The following GPATCH1 variants were observed in gnomAD, a reference collection of about 807,000 sequenced individuals.
GPATCH1 encodes the protein G patch domain-containing protein 1.
In GPATCH1, 73 loss-of-function variants were observed where a neutral mutation model predicts 114.9. The observed-to-expected ratio is 0.64, with a 90% confidence interval of 0.53 to 0.77. The LOEUF (loss-of-function observed/expected upper bound fraction) is 0.77. Ranked by LOEUF, GPATCH1 falls within the 30% of genes least tolerant of loss-of-function variation. GPATCH1 has a pLI of 0.00. For missense variants in GPATCH1, 1,058 were observed against 1,144.3 expected (o/e 0.92, Z 1.09); for synonymous variants, 391 against 428.4 (o/e 0.91, Z 1.08).
rs928913566 is a variant in GPATCH1 at position 33,101,536 on chromosome 19, G to A, written c.1042G>A (p.Gly348Arg). The A allele has an allele frequency of 6.2e-7, 1 of 1,603,854 alleles. No homozygotes were observed. The highest frequency in any genetic ancestry group is 8.5e-7 in the Non-Finnish European group (1 of 1,171,004). Residue 348 changes from glycine (G) to arginine (R), a missense_variant, in exon 9 of 20, where the codon GGA becomes AGA. By Grantham distance (125) the Gly-to-Arg change is moderately radical. Around this residue, in one of 3 missense-constraint regions of GPATCH1, gnomAD observed 893 missense variants for 977.4 expected, o/e 0.91. Coordinates refer to ENST00000170564, the MANE Select transcript of GPATCH1 (RefSeq NM_018025.3). ...DLRYVGKILD[G>R]FSLASKPLSS... ...TCGGTACGTTGGCAAAATTTTGGAT[G>A]GATTTTCCTTGGCTTCTAAACCTTT...
intron 2 of GPATCH1, among the ~76,000 whole-genome samples, chr19:33,089,690 G>A (rs1196299019): frequency 7.2e-6 from 1 of 139,272 alleles, no homozygotes; most frequent in Non-Finnish European, 1.5e-5. Context: ...GCATGACCTC[G>A]GCTCACTTCA....
At chr19:33,091,684 A>G (rs1972597699) in intron 3 of GPATCH1, among the ~76,000 whole-genome samples, 1 of 152,194 alleles carries the variant, frequency 6.6e-6, no homozygotes, top group South Asian at 2.1e-4. Flanking sequence ...CTGTGCAGCA[A>G]ACCTCCATGA....
At chr19:33,096,019 G>A (rs1334109322) in intron 6 of GPATCH1, among the ~76,000 whole-genome samples, 188 bp from the exon 7 acceptor site, 1 of 152,182 alleles carries the variant, frequency 6.6e-6, no homozygotes, top group Non-Finnish European at 1.5e-5. Flanking sequence ...GGTCTGTTCA[G>A]CTTCATAAAA....
chr19:33,113,390 C>T (rs1270798508), intron 13 of GPATCH1: 2 of 170,466 alleles, frequency 1.2e-5, no homozygotes, highest in East Asian at 3.5e-4. Flanking sequence ...TGCAGTGAGC[C>T]AAGATTGTGC....
intron 1 of GPATCH1, among the ~76,000 whole-genome samples, chr19:33,081,756 G>T (rs1389723187): frequency 6.6e-6 from 1 of 152,154 alleles, no homozygotes; most frequent in East Asian, 1.9e-4. Context: ...AGGTAGAAAA[G>T]AATGTCAGAG....
intron 2 of GPATCH1, among the ~76,000 whole-genome samples, chr19:33,090,328 A>C (rs924422978): frequency 2.0e-5 from 3 of 151,872 alleles, no homozygotes; most frequent in African/African-American, 7.3e-5. Context: ...CTCTTTATCC[A>C]CTCTGACTGA....
At position 33,112,460 on chromosome 19, in the gene GPATCH1, G is replaced by A. The variant is rs771946229; in HGVS notation, c.1765-26G>A. 7 of 1,613,052 alleles carry A rather than the reference G, an allele frequency of 4.3e-6. No individual in the cohort carries two copies. The Admixed American group carries it at 1.0e-4, about 23-fold the overall frequency. ...CAGGTCAGTGGTGCGGCCACTTGAT[G>A]GAACAGAATGCATGTCTTTTTCCAG... On this transcript the variant is annotated intron_variant, in intron 12 of 19. Transcript: ENST00000170564.
At chr19:33,129,084 C>G (rs1973074709) in intron 19 of GPATCH1, among the ~76,000 whole-genome samples, 1 of 151,854 alleles carries the variant, frequency 6.6e-6, no homozygotes, top group Non-Finnish European at 1.5e-5. Context: ...CAAACCCCAT[C>G]TCTACTAAAA....
At chr19:33,087,951 A>C (rs1358170044) in intron 1 of GPATCH1, among the ~76,000 whole-genome samples, 183 bp from the exon 2 acceptor site, 1 of 152,094 alleles carries the variant, frequency 6.6e-6, no homozygotes, top group African/African-American at 2.4e-5. Context: ...ATAAGCTTAT[A>C]AAATATATTG....
intron 16 of GPATCH1, among the ~76,000 whole-genome samples, chr19:33,118,781 A>G (rs1972944422): frequency 6.6e-6 from 1 of 152,184 alleles, no homozygotes; most frequent in African/African-American, 2.4e-5. Context: ...GCTGTACCTC[A>G]GCCATTGCTG....
intron 11 of GPATCH1, among the ~76,000 whole-genome samples, chr19:33,110,719 C>G (rs1972842199): frequency 6.6e-6 from 1 of 150,808 alleles, no homozygotes. Context: ...TTGAGGTGAA[C>G]TTATCACTGC....
chr19:33,088,135 T>A lies in GPATCH1; in HGVS notation c.75T>A (p.Gly25=). 1 of 1,413,306 alleles carries A rather than the reference T, an allele frequency of 7.1e-7. No individual in the cohort carries two copies. Among genetic ancestry groups the A allele is most frequent in the South Asian group, 1.5e-5 (1 of 66,622 alleles). 87.5% of individuals were successfully genotyped at this position (1,413,306 alleles called of 1,614,324 possible). A position where few individuals can be genotyped will look rare whatever the true frequency, so the allele number is the denominator to read the frequency against. The change falls in exon 2 of 20, where the codon GGT becomes GGA. Residue 25 remains glycine (G), a splice_region_variant and synonymous_variant. Transcript: ENST00000170564. ...YGTGLEPLEE[G]ERPKKPIPLQ... ...AACTTTTTTTTTTTTTTTTTTTAGG[T>A]GAAAGACCAAAGAAACCAATCCCTC...
intron 8 of GPATCH1, 108 bp downstream of exon 8, chr19:33,098,010 C>T: frequency 9.5e-7 from 1 of 1,054,780 alleles, no homozygotes; most frequent in Non-Finnish European, 1.4e-6. Context: ...TGGTCAAAGT[C>T]ACGGTAAGAA....
chr19:33,115,746 A>G (rs1046227793), intron 15 of GPATCH1, among the ~76,000 whole-genome samples: 7 of 149,968 alleles, frequency 4.7e-5, no homozygotes, highest in Admixed American at 4.0e-4. Context: ...TGCCCGCCTC[A>G]GCCTCCCCAA....
chr19:33,116,518 T>TTTTTG (rs1023280368), intron 15 of GPATCH1, among the ~76,000 whole-genome samples: 1 of 152,152 alleles, frequency 6.6e-6, no homozygotes. Flanking sequence ...GGGTTGATAA[T>TTTTTG]TTTTGTTTTG....
chr19:33,082,405 C>T (rs559697829), intron 1 of GPATCH1, among the ~76,000 whole-genome samples: 13 of 152,286 alleles, frequency 8.5e-5, no homozygotes, highest in African/African-American at 2.6e-4. Flanking sequence ...TGGGGGTCCC[C>T]TCCCTTTTTT....
chr19:33,095,927 A>C, intron 6 of GPATCH1, 107 bp downstream of exon 6: 1 of 841,086 alleles, frequency 1.2e-6, no homozygotes, highest in Non-Finnish European at 2.1e-6. Context: ...CAATAACTAT[A>C]CAGTTAAATA....
Position 33,126,578 on chromosome 19 carries a change from T to C in GPATCH1, c.2620-10T>C. The C allele has an allele frequency of 1.2e-6, 2 of 1,611,396 alleles. No individual in the cohort carries two copies. Among genetic ancestry groups the C allele is most frequent in the Non-Finnish European group, 1.7e-6 (2 of 1,179,342 alleles). ...ATTTGTTTTCCCCCACCACTATTTG[T>C]TTTTTACAGAAAAAGAAACACAGGA... On this transcript the variant is annotated splice_polypyrimidine_tract_variant and intron_variant, in intron 18 of 19. Coordinates refer to ENST00000170564, the MANE Select transcript of GPATCH1 (RefSeq NM_018025.3).
chr19:33,101,633 C>A, intron 9 of GPATCH1, 59 bp downstream of exon 9: 1 of 819,492 alleles, frequency 1.2e-6, no homozygotes, highest in Non-Finnish European at 2.0e-6. Flanking sequence ...ATATTTGCTG[C>A]TATGTGATCT....
Sources: allele counts gnomAD v4.1 joint callset (sites outside exome capture counted in the v4.1 genomes callset), GRCh38; gene constraint gnomAD v4.1.1; regional missense constraint gnomAD v4.1.1; transcripts MANE v1.5; gene names NCBI Gene and HGNC (gene_info 2026-07-23, HGNC 2026-07-21).